Variants in TMEM132D observed in about 807,000 individuals in gnomAD.
TMEM132D encodes mature OL transmembrane protein.
In TMEM132D, 21 loss-of-function variants were observed where a neutral mutation model predicts 62.3. That is an observed-to-expected ratio of 0.34 (90% CI 0.24 to 0.49). The LOEUF (loss-of-function observed/expected upper bound fraction) is 0.49. Among genes scored for constraint, TMEM132D ranks in the 20% least tolerant of loss-of-function variants. TMEM132D has a pLI of 0.99. For missense variants in TMEM132D, 1,346 were observed against 1,402.8 expected (o/e 0.96, Z 0.65); for synonymous variants, 621 against 575.6 (o/e 1.08, Z -1.13).
intron 3 of TMEM132D, among the ~76,000 whole-genome samples, chr12:129,434,871 T>G (rs780671091): frequency 4.6e-5 from 7 of 152,140 alleles, no homozygotes; most frequent in Non-Finnish European, 8.8e-5. Context: ...ACACTATTGT[T>G]AACTATATCA....
intron 4 of TMEM132D, among the ~76,000 whole-genome samples, chr12:129,217,857 T>C (rs1479996367): frequency 6.6e-6 from 1 of 152,206 alleles, no homozygotes; most frequent in Non-Finnish European, 1.5e-5. Context: ...CTAGGATAGA[T>C]AGTTTTTGCT....
chr12:129,684,880 TG>T (rs1192506763), intron 2 of TMEM132D, among the ~76,000 whole-genome samples: 6 of 152,128 alleles, frequency 3.9e-5, no homozygotes, highest in Non-Finnish European at 7.3e-5. Flanking sequence ...AAGAGACTGG[TG>T]GCTGTTTTTC....
intron 5 of TMEM132D, among the ~76,000 whole-genome samples, chr12:129,189,179 C>T (rs7962320): frequency 0.49 from 74,255 of 151,832 alleles, 18,347 homozygotes; most frequent in Middle Eastern, 0.53. Context: ...TCCATGAAGC[C>T]GTTGGAGGGA....
intron 4 of TMEM132D, among the ~76,000 whole-genome samples, chr12:129,257,093 C>T (rs7132008): frequency 0.095 from 14,497 of 152,040 alleles, 858 homozygotes; most frequent in Admixed American, 0.18. Flanking sequence ...AGAAGGGTGT[C>T]TCCCAGAGAA....
chr12:129,811,863 C>T (rs1239452927), intron 1 of TMEM132D, among the ~76,000 whole-genome samples: 1 of 151,686 alleles, frequency 6.6e-6, no homozygotes, highest in African/African-American at 2.4e-5. Context: ...ACCTCAGTCC[C>T]CCAACTCCAA....
intron 3 of TMEM132D, among the ~76,000 whole-genome samples, chr12:129,343,026 T>C (rs1471599486): frequency 6.6e-6 from 1 of 152,156 alleles, no homozygotes; most frequent in Non-Finnish European, 1.5e-5. Flanking sequence ...GGTGACTCCT[T>C]AGGGATCTAG....
At chr12:129,675,905 G>A (rs1880616819) in intron 2 of TMEM132D, among the ~76,000 whole-genome samples, 1 of 152,184 alleles carries the variant, frequency 6.6e-6, no homozygotes, top group African/African-American at 2.4e-5. Flanking sequence ...GACCATGAGT[G>A]AAAAACAGTG....
chr12:129,339,009 A>G (rs553935260), intron 3 of TMEM132D, among the ~76,000 whole-genome samples: 1 of 152,118 alleles, frequency 6.6e-6, no homozygotes, highest in Non-Finnish European at 1.5e-5. Context: ...GAAAAATGGA[A>G]GGAGAGAGAG....
At chr12:129,640,181 G>T (rs1879606354) in intron 2 of TMEM132D, among the ~76,000 whole-genome samples, 1 of 152,036 alleles carries the variant, frequency 6.6e-6, no homozygotes, top group African/African-American at 2.4e-5. Flanking sequence ...TCAGGGGCCT[G>T]CACCCTTTTT....
intron 2 of TMEM132D, among the ~76,000 whole-genome samples, chr12:129,628,156 G>A (rs1248813556): frequency 6.6e-6 from 1 of 152,224 alleles, no homozygotes; most frequent in Non-Finnish European, 1.5e-5. Flanking sequence ...AATAAAGCAA[G>A]TGTTAAGTAA....
chr12:129,539,624 C>CT (rs914165880), intron 2 of TMEM132D, among the ~76,000 whole-genome samples: 18 of 150,360 alleles, frequency 1.2e-4, no homozygotes, highest in African/African-American at 4.4e-4. Context: ...GTTGCCCAGA[C>CT]TGATTTCAAA....
chr12:129,571,589 A>T (rs1877515799), intron 2 of TMEM132D, among the ~76,000 whole-genome samples: 1 of 152,024 alleles, frequency 6.6e-6, no homozygotes, highest in African/African-American at 2.4e-5. Flanking sequence ...AATAATAATA[A>T]TAAAAAAGAA....
intron 2 of TMEM132D, among the ~76,000 whole-genome samples, chr12:129,580,741 A>ATAAATAAC (rs1877830348): frequency 1.3e-5 from 2 of 151,598 alleles, no homozygotes; most frequent in African/African-American, 4.8e-5. Context: ...AAATAAATAA[A>ATAAATAAC]TAAATAAATA....
At chr12:129,447,660 T>C (rs1015918881) in intron 3 of TMEM132D, among the ~76,000 whole-genome samples, 3 of 152,210 alleles carry the variant, frequency 2.0e-5, no homozygotes, top group South Asian at 2.1e-4. Flanking sequence ...GCTATCTAAA[T>C]GATGTCTGTG....
rs768865032 is a variant in TMEM132D at position 129,194,991 on chromosome 12, G to A, written c.1443+14529C>T. On this transcript the variant is annotated intron_variant, in intron 5 of 8. Coordinates refer to ENST00000422113, the MANE Select transcript of TMEM132D (RefSeq NM_133448.3). ...GGCAGCAGGCATTTTTCCAGGCACCGGGGAATAAGTAATGATCAAAACCAA... is the reference window on the plus strand; with the variant it reads ...GGCAGCAGGCATTTTTCCAGGCACCAGGGAATAAGTAATGATCAAAACCAA... Among the ~76,000 whole-genome samples the A allele has an allele frequency of 1.2e-4, 19 of 152,274 alleles. No individual in the cohort carries two copies. The Middle Eastern group carries it at 0.01, about 82-fold the overall frequency.
At chr12:129,350,140 C>T (rs539938790) in intron 3 of TMEM132D, among the ~76,000 whole-genome samples, 18 of 152,266 alleles carry the variant, frequency 1.2e-4, no homozygotes, top group African/African-American at 4.1e-4. Flanking sequence ...CTACAGGCCT[C>T]CTAATAGACA....
At chr12:129,821,471 G>C (rs955575954) in intron 1 of TMEM132D, among the ~76,000 whole-genome samples, 1 of 152,198 alleles carries the variant, frequency 6.6e-6, no homozygotes, top group Non-Finnish European at 1.5e-5. Flanking sequence ...GAAGGCACCA[G>C]AAGTCAGTCT....
chr12:129,690,067 G>A (rs1881026879), intron 2 of TMEM132D, among the ~76,000 whole-genome samples: 1 of 152,156 alleles, frequency 6.6e-6, no homozygotes, highest in Non-Finnish European at 1.5e-5. Context: ...TCACAGCAAT[G>A]CCGCAAAGGA....
At chr12:129,755,932 T>C (rs1476922704) in intron 1 of TMEM132D, among the ~76,000 whole-genome samples, 1 of 152,170 alleles carries the variant, frequency 6.6e-6, no homozygotes, top group African/African-American at 2.4e-5. Flanking sequence ...TGAGCTCACA[T>C]AGAACCCAAA....
Sources: gnomAD v4.1 joint callset for allele counts (sites outside exome capture counted in the v4.1 genomes callset) on GRCh38, gnomAD v4.1.1 for gene constraint, MANE v1.5 for transcripts, NCBI Gene and HGNC (gene_info 2026-07-23, HGNC 2026-07-21) for gene names.